The following VPS13B variants were observed in gnomAD, a reference collection of about 807,000 sequenced individuals.
VPS13B encodes the protein intermembrane lipid transfer protein VPS13B.
A neutral mutation model predicts 426.4 loss-of-function variants in VPS13B; 285 were observed. The ratio of observed to expected loss-of-function variants is 0.67; its 90% CI spans 0.61 to 0.74. The LOEUF (loss-of-function observed/expected upper bound fraction) is 0.74. Ranked by LOEUF, VPS13B falls within the 30% of genes least tolerant of loss-of-function variation. The pLI, the probability that VPS13B is intolerant of heterozygous loss-of-function variation, is 0.00. For missense variants in VPS13B, 4,537 were observed against 4,782.6 expected, an observed-to-expected ratio of 0.95 and a Z score of 1.51; for synonymous variants, 1,676 against 1,676.4, an observed-to-expected ratio of 1.00 and a Z score of 0.01.
intron 10 of VPS13B, 103 bp downstream of exon 10, chr8:99,135,240 A>C: frequency 5.2e-5 from 76 of 1,465,332 alleles, no homozygotes; most frequent in Middle Eastern, 2.0e-4. Context: ...TATATATCTC[A>C]GGCTTGAGAG....
At chr8:99,488,391 T>C (rs566907653) in intron 25 of VPS13B, among the ~76,000 whole-genome samples, 1 of 152,160 alleles carries the variant, frequency 6.6e-6, no homozygotes, top group Admixed American at 6.5e-5. Context: ...CTAAGGTGTA[T>C]GTTTTTTTTT....
intron 33 of VPS13B, among the ~76,000 whole-genome samples, chr8:99,626,736 A>G (rs1014355050): frequency 2.0e-5 from 3 of 152,240 alleles, no homozygotes; most frequent in African/African-American, 7.2e-5. Context: ...AGTTCCTAAA[A>G]TAAACTAAAA....
At chr8:99,176,253 A>G (rs915766490) in intron 16 of VPS13B, among the ~76,000 whole-genome samples, 2 of 151,438 alleles carry the variant, frequency 1.3e-5, no homozygotes, top group African/African-American at 4.9e-5. Context: ...TCGTTCCTCA[A>G]CCTCCTGAGT....
intron 58 of VPS13B, 92 bp downstream of exon 58, chr8:99,862,038 G>A: frequency 7.1e-7 from 1 of 1,404,768 alleles, no homozygotes; most frequent in Non-Finnish European, 9.5e-7. Flanking sequence ...TTCTGCCTGG[G>A]AATGACCAGG....
chr8:99,357,421 A>G (rs1165007710), intron 19 of VPS13B, among the ~76,000 whole-genome samples: 2 of 152,096 alleles, frequency 1.3e-5, no homozygotes, highest in African/African-American at 2.4e-5. Flanking sequence ...TTCTGTCACT[A>G]TATGTTTCAG....
At chr8:99,464,573 C>T (rs1180428878) in intron 23 of VPS13B, among the ~76,000 whole-genome samples, 2 of 152,064 alleles carry the variant, frequency 1.3e-5, no homozygotes, top group Non-Finnish European at 2.9e-5. Flanking sequence ...ATTTTTGTGT[C>T]ATGTAAACCA....
intron 31 of VPS13B, among the ~76,000 whole-genome samples, chr8:99,562,102 G>C (rs1824953103): frequency 2.0e-5 from 3 of 151,990 alleles, no homozygotes; most frequent in Admixed American, 2.0e-4. Flanking sequence ...CTTTTGTTTT[G>C]TTTGTTTGTT....
intron 2 of VPS13B, among the ~76,000 whole-genome samples, chr8:99,025,936 T>C (rs745989654): frequency 6.6e-6 from 1 of 152,172 alleles, no homozygotes; most frequent in Non-Finnish European, 1.5e-5. Context: ...CTGATTTTGT[T>C]TATCTTTTCA....
At chr8:99,695,464 C>T (rs200649092) in intron 35 of VPS13B, among the ~76,000 whole-genome samples, 5,783 of 144,210 alleles carry the variant, frequency 0.04, 124 homozygotes, top group East Asian at 0.054. Flanking sequence ...AACCAAACAC[C>T]GCATATTCTC....
Position 99,853,742 on chromosome 8 carries a change from A to AGAACCC in VPS13B, c.10354_10359dup (p.Glu3452_Pro3453dup). 1 of 1,614,246 alleles carries AGAACCC rather than the reference A, an allele frequency of 6.2e-7. No individual in the cohort carries two copies. Among genetic ancestry groups the AGAACCC allele is most frequent in the Non-Finnish European group, 8.5e-7 (1 of 1,180,038 alleles). Reference sequence around the variant, plus strand: ...TCTTAGTCTGCCAGGGAGAAAAAGCAGAACCCATTCAGTGTTCCAAAATGC... The same window carrying AGAACCC: ...TCTTAGTCTGCCAGGGAGAAAAAGCAGAACCCGAACCCATTCAGTGTTCCAAAATGC... On this transcript the variant is annotated inframe_insertion, in exon 56 of 62. Coordinates refer to ENST00000357162, the MANE Select transcript of VPS13B (RefSeq NM_152564.5).
At chr8:99,683,055 A>G (rs1831220066) in intron 35 of VPS13B, among the ~76,000 whole-genome samples, 1 of 152,214 alleles carries the variant, frequency 6.6e-6, no homozygotes, top group Non-Finnish European at 1.5e-5. Context: ...TATATACAGT[A>G]TGAAGTTGAG....
chr8:99,476,000 C>T (rs1440897421), intron 24 of VPS13B, among the ~76,000 whole-genome samples: 2 of 152,188 alleles, frequency 1.3e-5, no homozygotes, highest in Non-Finnish European at 2.9e-5. Context: ...TAAACTGTCA[C>T]CACCTGGTGT....
chr8:99,787,213 C>G (rs903105730), intron 43 of VPS13B, among the ~76,000 whole-genome samples: 2 of 152,108 alleles, frequency 1.3e-5, no homozygotes, highest in Non-Finnish European at 2.9e-5. Flanking sequence ...GGAAAGGTTT[C>G]AAAGAGGTCA....
Position 99,838,594 on chromosome 8 carries a change from C to T in VPS13B, c.9942+2856C>T, listed in dbSNP as rs575297744. On this transcript the variant is annotated intron_variant, in intron 54 of 61. Transcript: ENST00000357162. ...CAGACATTATAACTTGGTACTGGCA[C>T]CATGTAAAATATACTGAACAAAAAT... Among the ~76,000 whole-genome samples the T allele has an allele frequency of 5.3e-5, 8 of 152,318 alleles. 2 individuals carry two copies. In the South Asian group the frequency reaches 1.7e-3, roughly 32 times the overall value.
intron 27 of VPS13B, among the ~76,000 whole-genome samples, chr8:99,506,272 A>G (rs988630789): frequency 2.0e-5 from 3 of 152,190 alleles, no homozygotes; most frequent in Admixed American, 1.3e-4. Context: ...CATATTAAAC[A>G]GTGACTTATT....
intron 40 of VPS13B, among the ~76,000 whole-genome samples, chr8:99,775,641 T>TA (rs1811704676): frequency 6.6e-6 from 1 of 152,198 alleles, no homozygotes; most frequent in Non-Finnish European, 1.5e-5. Context: ...CTCATGCCTG[T>TA]AACCCCAGCA....
intron 30 of VPS13B, among the ~76,000 whole-genome samples, chr8:99,529,085 A>G (rs1459179682): frequency 6.6e-6 from 1 of 152,258 alleles, no homozygotes; most frequent in African/African-American, 2.4e-5. Flanking sequence ...TAATAAACCT[A>G]TATAACTAAG....
At chr8:99,780,219 A>T (rs1811948502) in intron 42 of VPS13B, among the ~76,000 whole-genome samples, 1 of 152,086 alleles carries the variant, frequency 6.6e-6, no homozygotes, top group Non-Finnish European at 1.5e-5. Flanking sequence ...GAAAAAAAAG[A>T]CCTCTATGGC....
intron 17 of VPS13B, among the ~76,000 whole-genome samples, chr8:99,252,786 A>G (rs1192815999): frequency 6.6e-6 from 1 of 151,944 alleles, no homozygotes; most frequent in African/African-American, 2.4e-5. Context: ...AGCCTACTTT[A>G]TTTGACATTA....
Sources: gnomAD v4.1 joint callset for allele counts (sites outside exome capture counted in the v4.1 genomes callset) on GRCh38, gnomAD v4.1.1 for gene constraint, MANE v1.5 for transcripts, NCBI Gene and HGNC (gene_info 2026-07-23, HGNC 2026-07-21) for gene names.